Variants in GFRA1 observed in about 807,000 individuals in gnomAD.
GFRA1 encodes the protein GDNF family receptor alpha-1.
A neutral mutation model predicts 51.6 loss-of-function variants in GFRA1; 16 were observed. The ratio of observed to expected loss-of-function variants is 0.31; its 90% CI spans 0.21 to 0.47. GFRA1 has a LOEUF of 0.47. Ranked by LOEUF, GFRA1 falls within the 20% of genes least tolerant of loss-of-function variation. The probability of loss-of-function intolerance (pLI) is 1.00; values close to 1 mark genes in which losing one functional copy is unlikely to be tolerated. For missense variants in GFRA1, 530 were observed against 594.3 expected (o/e 0.89, Z 1.13); for synonymous variants, 270 against 241.3 (o/e 1.12, Z -1.10).
intron 5 of GFRA1, among the ~76,000 whole-genome samples, chr10:116,210,498 G>T (rs1965109406): frequency 6.6e-6 from 1 of 152,086 alleles, no homozygotes; most frequent in Non-Finnish European, 1.5e-5. Flanking sequence ...TTTCAATTTT[G>T]CTCATCTCTT....
rs559467763 is a variant in GFRA1 at position 116,081,454 on chromosome 10, C to T, written c.1197+8287G>A. Among the ~76,000 whole-genome samples, 24 of 152,286 alleles carry T rather than the reference C, an allele frequency of 1.6e-4. No homozygotes were observed. The South Asian group carries it at 4.1e-3, about 26-fold the overall frequency. On this transcript the variant is annotated intron_variant, in intron 9 of 10. Transcript: ENST00000355422. Reference sequence around the variant, plus strand: ...AGCGATGAAAAATGTTACCCAGAAACGCAATGTTTAAAGTGCTCTGGTTTC... The same window carrying T: ...AGCGATGAAAAATGTTACCCAGAAATGCAATGTTTAAAGTGCTCTGGTTTC...
chr10:116,156,909 C>T (rs1178568125), intron 5 of GFRA1, among the ~76,000 whole-genome samples: 1 of 152,106 alleles, frequency 6.6e-6, no homozygotes, highest in Non-Finnish European at 1.5e-5. Context: ...CAAGGGGGTG[C>T]CCTCATTTAT....
intron 9 of GFRA1, among the ~76,000 whole-genome samples, chr10:116,069,621 T>C (rs1445976385): frequency 1.3e-5 from 2 of 152,220 alleles, no homozygotes; most frequent in Non-Finnish European, 2.9e-5. Flanking sequence ...GGGACAGACC[T>C]TGCCAGTCCC....
At chr10:116,270,511 G>A (rs181422727) in intron 3 of GFRA1, among the ~76,000 whole-genome samples, 50 of 152,348 alleles carry the variant, frequency 3.3e-4, no homozygotes, top group Middle Eastern at 3.4e-3. Context: ...GAAAGAAGTT[G>A]TGGGTTCCTT....
chr10:116,085,165 C>T (rs1361513385), intron 9 of GFRA1, among the ~76,000 whole-genome samples: 1 of 152,162 alleles, frequency 6.6e-6, no homozygotes, highest in Non-Finnish European at 1.5e-5. Context: ...CTATATTCAC[C>T]ATATCCATAG....
chr10:116,187,311 G>A (rs1962818859), intron 5 of GFRA1, among the ~76,000 whole-genome samples: 1 of 152,144 alleles, frequency 6.6e-6, no homozygotes, highest in African/African-American at 2.4e-5. Context: ...CTAAGCTCCA[G>A]TGTCTGCTCG....
chr10:116,194,603 T>A (rs1326739227), intron 5 of GFRA1, among the ~76,000 whole-genome samples: 5 of 152,196 alleles, frequency 3.3e-5, no homozygotes, highest in Non-Finnish European at 7.3e-5. Flanking sequence ...ATTACCAATG[T>A]TCAATAATTA....
chr10:116,235,471 A>G lies in GFRA1; in HGVS notation c.419-23826T>C, dbSNP rs138598190. Among the ~76,000 whole-genome samples, 60 of 152,234 alleles carry G rather than the reference A, an allele frequency of 3.9e-4. No individual in the cohort carries two copies. In the East Asian group the frequency reaches 0.012, roughly 30 times the overall value. ...CAAAACTGCTGCCCCTCTAAGCACC[A>G]AGAAATCACCCATCATCACCACCCA... On this transcript the variant is annotated intron_variant, in intron 4 of 10. Transcript: ENST00000355422.
chr10:116,112,980 C>G (rs72834558), intron 6 of GFRA1, among the ~76,000 whole-genome samples: 9,404 of 152,270 alleles, frequency 0.062, 444 homozygotes, highest in African/African-American at 0.13. Flanking sequence ...CAAGATTACT[C>G]TGGTCCATCT....
At chr10:116,217,083 G>A (rs1052090778) in intron 4 of GFRA1, among the ~76,000 whole-genome samples, 2 of 152,104 alleles carry the variant, frequency 1.3e-5, no homozygotes, top group African/African-American at 2.4e-5. Context: ...TACTTGTTGA[G>A]TACCCACGGC....
chr10:116,060,277 G>A lies in GFRA1; in HGVS notation c.*4121C>T, dbSNP rs1227191464. 6.6e-6 allele frequency: 1 copy of A among 152,180 alleles called. No individual in the cohort carries two copies. The highest frequency in any genetic ancestry group is 1.9e-4 in the East Asian group (1 of 5,184). The allele number at this position is 152,180 out of a possible 1,614,324, so 9.4% of individuals were successfully genotyped here. A position where few individuals can be genotyped will look rare whatever the true frequency, so the allele number is the denominator to read the frequency against. On this transcript the variant is annotated 3_prime_UTR_variant, in exon 11 of 11. Transcript: ENST00000355422. ...TCTATCTTAGGGATGAGAGAAAAAT[G>A]TAGCTTCTAAGGGTATCCAACCAAA... is the stretch of plus-strand genomic sequence containing the variant.
At chr10:116,162,547 A>T (rs1959932667) in intron 5 of GFRA1, among the ~76,000 whole-genome samples, 1 of 152,174 alleles carries the variant, frequency 6.6e-6, no homozygotes, top group Non-Finnish European at 1.5e-5. Context: ...TGGTCTGCGG[A>T]GGCTCTGGAG....
Position 116,065,589 on chromosome 10 carries a change from T to G in GFRA1, c.1235A>C (p.His412Pro). ...CATACTTACATTGGAAATACAGAGGTGTGTATTGCCCGACACATTGGATTT... is the reference window on the plus strand; with the variant it reads ...CATACTTACATTGGAAATACAGAGGGGTGTATTGCCCGACACATTGGATTT... ...KLKSNVSGNT[H>P]LCISNGNYEK... The change falls in exon 10 of 11, where the codon CAC becomes CCC. Residue 412 changes from histidine (H) to proline (P), a missense_variant. By Grantham distance (77) the His-to-Pro change is moderately conservative. Transcript: ENST00000355422. 2.5e-6 allele frequency: 4 copies of G among 1,613,278 alleles called. No individual in the cohort carries two copies. The highest frequency in any genetic ancestry group is 3.4e-6 in the Non-Finnish European group (4 of 1,179,398).
chr10:116,090,026 T>C (rs930655375), intron 8 of GFRA1, 104 bp from the exon 9 acceptor site: 28 of 1,085,226 alleles, frequency 2.6e-5, no homozygotes, highest in East Asian at 7.7e-5. Context: ...GATTATAGCA[T>C]TGGACTTCTC....
At chr10:116,202,947 A>G (rs1964454513) in intron 5 of GFRA1, among the ~76,000 whole-genome samples, 1 of 152,184 alleles carries the variant, frequency 6.6e-6, no homozygotes, top group African/African-American at 2.4e-5. Context: ...AGAGGAATCA[A>G]TCCATCCAAA....
At chr10:116,064,870 C>T (rs772300520) in intron 10 of GFRA1, among the ~76,000 whole-genome samples, 6 of 148,846 alleles carry the variant, frequency 4.0e-5, no homozygotes, top group South Asian at 4.1e-4. Flanking sequence ...CAGGGTTCCA[C>T]GTTGCACAGG....
At chr10:116,143,629 C>A (rs1958668495) in intron 5 of GFRA1, among the ~76,000 whole-genome samples, 1 of 147,822 alleles carries the variant, frequency 6.8e-6, no homozygotes, top group African/African-American at 2.5e-5. Context: ...TACCAGCTGG[C>A]AGGGTTCCTT....
At chr10:116,115,344 G>A (rs1341793912) in intron 6 of GFRA1, among the ~76,000 whole-genome samples, 2 of 152,148 alleles carry the variant, frequency 1.3e-5, no homozygotes, top group East Asian at 3.9e-4. Flanking sequence ...GAGGTGGGGA[G>A]GCCGAGGGAA....
intron 5 of GFRA1, among the ~76,000 whole-genome samples, chr10:116,175,966 T>TA (rs913570387): frequency 6.0e-5 from 9 of 148,906 alleles, no homozygotes; most frequent in East Asian, 2.0e-4. Context: ...CTAAGTGAAT[T>TA]AAAAAAAAAA....
Sources: allele counts gnomAD v4.1 joint callset (sites outside exome capture counted in the v4.1 genomes callset), GRCh38; gene constraint gnomAD v4.1.1; transcripts MANE v1.5; gene names NCBI Gene and HGNC (gene_info 2026-07-23, HGNC 2026-07-21).